The following ATP8A2 variants were observed in gnomAD, a reference collection of about 807,000 sequenced individuals.
ATP8A2 encodes the protein phospholipid-transporting ATPase IB.
Under a neutral mutation model 165.6 loss-of-function variants are expected in ATP8A2, and 100 were observed. The observed-to-expected ratio is 0.60, with a 90% CI of 0.51 to 0.71. The LOEUF is 0.71. ATP8A2 is among the 30% of genes least tolerant of loss of function. The pLI is 0.00. For missense variants in ATP8A2, 1,227 were observed against 1,479.5 expected, an observed-to-expected ratio of 0.83 and a Z score of 2.80; for synonymous variants, 543 against 548.8, an observed-to-expected ratio of 0.99 and a Z score of 0.15.
chr13:25,505,202 C>T (rs112949094), intron 2 of ATP8A2, among the ~76,000 whole-genome samples: 5 of 37,556 alleles, frequency 1.3e-4, no homozygotes, highest in African/African-American at 3.4e-4. Context: ...TTCGGCGGGG[C>T]GGGGGGGGGT....
Position 25,531,187 on chromosome 13 carries a change from T to TATATATGTTATATATG in ATP8A2, c.420+566_420+581dup, listed in dbSNP as rs1371204642. Among the ~76,000 whole-genome samples the TATATATGTTATATATG allele has an allele frequency of 7.5e-3, 1,052 of 140,216 alleles. 25 individuals are homozygous for TATATATGTTATATATG. Among genetic ancestry groups the TATATATGTTATATATG allele is most frequent in the African/African-American group, 0.017 (605 of 36,466 alleles). The allele number at this position is 140,216 out of a possible 152,430, so 92.0% of individuals were successfully genotyped here. On this transcript the variant is annotated intron_variant, in intron 4 of 36. Transcript: ENST00000381655. ...TATATGTTATATGATATATATATGT[T>TATATATGTTATATATG]ATATATGTTATATATGATATATGTT...
At chr13:25,717,305 T>G (rs548002393) in intron 25 of ATP8A2, among the ~76,000 whole-genome samples, 72 of 151,764 alleles carry the variant, frequency 4.7e-4, no homozygotes, top group South Asian at 2.3e-3. Context: ...CTATTGAGAA[T>G]GGGATCAGGG....
At chr13:25,592,396 C>T (rs1404397217) in intron 24 of ATP8A2, among the ~76,000 whole-genome samples, 1 of 152,142 alleles carries the variant, frequency 6.6e-6, no homozygotes, top group African/African-American at 2.4e-5. Context: ...ATTTTCTAGT[C>T]ATCAATAAGA....
intron 33 of ATP8A2, among the ~76,000 whole-genome samples, chr13:25,928,682 A>G (rs1336087536): frequency 6.6e-6 from 1 of 152,160 alleles, no homozygotes; most frequent in East Asian, 1.9e-4. Flanking sequence ...TTCCGTCACT[A>G]TTGTCCAAGA....
At chr13:25,498,121 G>A (rs2036738447) in intron 2 of ATP8A2, among the ~76,000 whole-genome samples, 1 of 152,172 alleles carries the variant, frequency 6.6e-6, no homozygotes, top group South Asian at 2.1e-4. Context: ...CCAATACGGG[G>A]CAGGTGTCAT....
At chr13:25,955,477 G>A (rs560261649) in intron 33 of ATP8A2, among the ~76,000 whole-genome samples, 10 of 152,198 alleles carry the variant, frequency 6.6e-5, no homozygotes, top group Middle Eastern at 3.4e-3. Flanking sequence ...ACAAACTACC[G>A]TCAGAGAATA....
At chr13:25,859,206 A>G (rs12560615) in intron 30 of ATP8A2, among the ~76,000 whole-genome samples, 3 of 151,770 alleles carry the variant, frequency 2.0e-5, no homozygotes. Context: ...TGTCTCAAAA[A>G]CAAAACAAAA....
intron 34 of ATP8A2, 147 bp from the exon 35 acceptor site, chr13:25,968,428 A>C: frequency 1.5e-6 from 1 of 673,780 alleles, no homozygotes; most frequent in South Asian, 1.8e-5. Flanking sequence ...TGGGTCATGC[A>C]TGGAGACTGT....
intron 36 of ATP8A2, among the ~76,000 whole-genome samples, chr13:26,017,668 C>T (rs531438538): frequency 1.3e-5 from 2 of 152,338 alleles, no homozygotes; most frequent in East Asian, 1.9e-4. Flanking sequence ...CTCTTCGGTG[C>T]TTGAAAGCAG....
chr13:25,829,503 A>G (rs1566180561), intron 28 of ATP8A2, among the ~76,000 whole-genome samples: 2 of 151,276 alleles, frequency 1.3e-5, no homozygotes, highest in African/African-American at 2.4e-5. Flanking sequence ...AAGCTATGCA[A>G]CCATTTCGGG....
intron 35 of ATP8A2, among the ~76,000 whole-genome samples, chr13:26,005,661 A>G (rs1408436): frequency 0.69 from 104,093 of 151,854 alleles, 35,887 homozygotes; most frequent in East Asian, 0.84. Context: ...AAATATATTT[A>G]TATCTTTGAT....
At chr13:25,718,853 G>A (rs2043311091) in intron 25 of ATP8A2, among the ~76,000 whole-genome samples, 1 of 152,188 alleles carries the variant, frequency 6.6e-6, no homozygotes. Flanking sequence ...GTTGTAATTG[G>A]TTGGCTCTTT....
At chr13:25,432,155 G>A (rs1269031760) in intron 1 of ATP8A2, among the ~76,000 whole-genome samples, 1 of 152,152 alleles carries the variant, frequency 6.6e-6, no homozygotes, top group Non-Finnish European at 1.5e-5. Context: ...GACCATAATT[G>A]CTTTTTAATG....
intron 27 of ATP8A2, among the ~76,000 whole-genome samples, chr13:25,800,570 C>G (rs1181503438): frequency 6.6e-6 from 1 of 152,144 alleles, no homozygotes; most frequent in Admixed American, 6.6e-5. Context: ...TCCTGGACAC[C>G]TGGAGGCACT....
rs141245521 is a variant in ATP8A2, at chr13:25,378,690, T to C, written c.76+6402T>C. 6.7e-3 allele frequency among the ~76,000 whole-genome samples: 1,027 copies of C among 152,232 alleles called. 11 individuals are homozygous for C. The highest frequency in any genetic ancestry group is 0.038 in the Middle Eastern group (11 of 292). On this transcript the variant is annotated intron_variant, in intron 1 of 36. Transcript: ENST00000381655. ...AGCTACAGGGTTCCAAAACTGCGAG[T>C]GAAGCACCTCCTCCACATATTCCTC...
intron 33 of ATP8A2, among the ~76,000 whole-genome samples, chr13:25,954,631 G>A (rs1361530069): frequency 6.6e-6 from 1 of 152,164 alleles, no homozygotes; most frequent in Non-Finnish European, 1.5e-5. Context: ...CATCTGGCGG[G>A]TGCCCCTCTG....
intron 2 of ATP8A2, among the ~76,000 whole-genome samples, chr13:25,513,403 G>A (rs534710885): frequency 3.5e-5 from 5 of 143,108 alleles, no homozygotes; most frequent in Non-Finnish European, 6.4e-5. Context: ...ATGGGATGGC[G>A]GCCGGGAAGA....
chr13:25,953,343 G>T lies in ATP8A2; in HGVS notation c.3184-8232G>T, dbSNP rs1006390732. On this transcript the variant is annotated intron_variant, in intron 33 of 36. Coordinates refer to ENST00000381655, the MANE Select transcript of ATP8A2 (RefSeq NM_016529.6). The surrounding 1 kb of genome is among the most constrained non-coding windows in gnomAD (Gnocchi z 6.7). ...TTTCTTCTGTAAAATGGGGACGGGG[G>T]GGATTAAATAAAATGCTTTATGGGA... Among the ~76,000 whole-genome samples the T allele has an allele frequency of 2.6e-5, 4 of 151,772 alleles. No individual in the cohort carries two copies. The highest frequency in any genetic ancestry group is 1.9e-4 in the East Asian group (1 of 5,160).
intron 10 of ATP8A2, among the ~76,000 whole-genome samples, chr13:25,550,957 T>C (rs2038803064): frequency 6.6e-6 from 1 of 152,238 alleles, no homozygotes; most frequent in African/African-American, 2.4e-5. Context: ...TCTAGATTTT[T>C]ATGGTATGGA....
Sources: gnomAD v4.1 joint callset for allele counts (sites outside exome capture counted in the v4.1 genomes callset) on GRCh38, gnomAD v4.1.1 for gene constraint, Gnocchi (gnomAD v3.1) non-coding constraint, MANE v1.5 for transcripts, NCBI Gene and HGNC (gene_info 2026-07-23, HGNC 2026-07-21) for gene names.